ASAP1: variants seen among roughly 807,000 people sequenced by gnomAD.
ASAP1 encodes arf-GAP with SH3 domain, ANK repeat and PH domain-containing protein 1.
Under a neutral mutation model 145.2 loss-of-function variants are expected in ASAP1, and 43 were observed. The ratio of observed to expected loss-of-function variants is 0.30; its 90% CI spans 0.23 to 0.38. The LOEUF (loss-of-function observed/expected upper bound fraction) is 0.38. Among genes scored for constraint, ASAP1 ranks in the 10% least tolerant of loss-of-function variants. The pLI is 1.00. For synonymous variants in ASAP1, 546 were observed against 515.5 expected (o/e 1.06, Z -0.80); for missense variants, 1,018 against 1,355.3 (o/e 0.75, Z 3.91).
At chr8:130,219,481 T>C (rs1352918831) in intron 4 of ASAP1, among the ~76,000 whole-genome samples, 1 of 152,060 alleles carries the variant, frequency 6.6e-6, no homozygotes, top group Admixed American at 6.6e-5. Context: ...GCTGCGGTGG[T>C]GGGACACTGC....
At chr8:130,167,242 T>G (rs1001792806) in intron 11 of ASAP1, among the ~76,000 whole-genome samples, 1 of 151,262 alleles carries the variant, frequency 6.6e-6, no homozygotes, top group African/African-American at 2.4e-5. Flanking sequence ...CGATGAGCCA[T>G]AAGTGTGCCT....
chr8:130,129,986 T>A (rs140344567), intron 15 of ASAP1, among the ~76,000 whole-genome samples: 1 of 152,366 alleles, frequency 6.6e-6, no homozygotes, highest in African/African-American at 2.4e-5. Context: ...CAGGACTGAT[T>A]ACTGCATTTT....
At chr8:130,055,848 C>G (rs1038129116) in intron 29 of ASAP1, among the ~76,000 whole-genome samples, 1 of 152,238 alleles carries the variant, frequency 6.6e-6, no homozygotes, top group Admixed American at 6.5e-5. Flanking sequence ...CTGCCCAGCT[C>G]TCCTGAAGGC....
intron 3 of ASAP1, among the ~76,000 whole-genome samples, chr8:130,338,469 AC>A (rs1377444026): frequency 7.2e-5 from 11 of 152,190 alleles, no homozygotes; most frequent in Non-Finnish European, 5.9e-5. Flanking sequence ...GTAAATAAAG[AC>A]AGGACTCTCC....
intron 3 of ASAP1, among the ~76,000 whole-genome samples, chr8:130,326,455 CA>C (rs1192215344): frequency 2.0e-5 from 3 of 152,304 alleles, no homozygotes; most frequent in African/African-American, 7.2e-5. Flanking sequence ...ATTTCCACCC[CA>C]AATAAAATAC....
intron 1 of ASAP1, among the ~76,000 whole-genome samples, chr8:130,435,375 G>A (rs546707292): frequency 1.3e-5 from 2 of 152,264 alleles, no homozygotes; most frequent in Non-Finnish European, 2.9e-5. Context: ...TGTCTTCCCT[G>A]TGCTAGACTT....
chr8:130,179,870 A>G (rs1565057590), intron 8 of ASAP1, among the ~76,000 whole-genome samples: 1 of 152,114 alleles, frequency 6.6e-6, no homozygotes, highest in Non-Finnish European at 1.5e-5. Flanking sequence ...ACTGGTCAAG[A>G]TTTTCTATTG....
intron 3 of ASAP1, among the ~76,000 whole-genome samples, chr8:130,339,925 C>G (rs1825271008): frequency 6.6e-6 from 1 of 152,196 alleles, no homozygotes; most frequent in African/African-American, 2.4e-5. Context: ...AGTACTTCTT[C>G]TGGACTCTCC....
chr8:130,432,391 T>C (rs1218303410), intron 1 of ASAP1, among the ~76,000 whole-genome samples: 1 of 152,036 alleles, frequency 6.6e-6, no homozygotes, highest in African/African-American at 2.4e-5. Context: ...ACTGTGAAAG[T>C]ATAAAGGTTC....
chr8:130,214,128 A>G lies in ASAP1; in HGVS notation c.405+428T>C, dbSNP rs1371300633. Among the ~76,000 whole-genome samples the G allele has an allele frequency of 6.6e-5, 10 of 152,334 alleles. No individual in the cohort carries two copies. The Middle Eastern group carries it at 0.01, about 155-fold the overall frequency. On this transcript the variant is annotated intron_variant, in intron 5 of 29. Transcript: ENST00000518721. ...CAAAATGCATGATCACCTTCACACA[A>G]GTGAGATATAATACTTTCAATGTGT...
chr8:130,347,135 C>G (rs1298153013), intron 3 of ASAP1, among the ~76,000 whole-genome samples: 2 of 152,236 alleles, frequency 1.3e-5, no homozygotes, highest in East Asian at 1.9e-4. Flanking sequence ...GCCTGGTCTT[C>G]CATCCATCCT....
chr8:130,096,730 G>A (rs1592789801), intron 24 of ASAP1, among the ~76,000 whole-genome samples: 2 of 152,124 alleles, frequency 1.3e-5, no homozygotes, highest in East Asian at 3.9e-4. Flanking sequence ...TTTTCCACGA[G>A]AAAGCATTCC....
At chr8:130,265,956 C>T (rs1419135661) in intron 3 of ASAP1, among the ~76,000 whole-genome samples, 1 of 152,174 alleles carries the variant, frequency 6.6e-6, no homozygotes, top group Non-Finnish European at 1.5e-5. Context: ...TGGCTAACAT[C>T]CATAGTGAGT....
At chr8:130,124,293 G>A (rs1047515959) in intron 17 of ASAP1, among the ~76,000 whole-genome samples, 189 bp from the exon 18 acceptor site, 6 of 152,202 alleles carry the variant, frequency 3.9e-5, no homozygotes, top group African/African-American at 1.4e-4. Flanking sequence ...CAAACTAAGT[G>A]CTGGAAATAC....
At chr8:130,154,404 CTGCA>C (rs1489321008) in intron 12 of ASAP1, among the ~76,000 whole-genome samples, 1 of 152,172 alleles carries the variant, frequency 6.6e-6, no homozygotes, top group Non-Finnish European at 1.5e-5. Flanking sequence ...ACAGACGAGA[CTGCA>C]TGTGTGGTAG....
chr8:130,117,016 T>C (rs1307939971), intron 20 of ASAP1, 21 bp from the exon 21 acceptor site: 3 of 1,542,856 alleles, frequency 1.9e-6, no homozygotes, highest in Middle Eastern at 1.9e-4. Context: ...AGATGATGAT[T>C]AGAAAAAAAT....
At chr8:130,223,239 C>T (rs534986699) in intron 4 of ASAP1, among the ~76,000 whole-genome samples, 2 of 152,258 alleles carry the variant, frequency 1.3e-5, no homozygotes, top group South Asian at 2.1e-4. Flanking sequence ...ACCTAGACAA[C>T]ATTTGGTGAA....
intron 7 of ASAP1, among the ~76,000 whole-genome samples, chr8:130,186,551 G>A (rs1271741437): frequency 1.3e-5 from 2 of 151,964 alleles, no homozygotes; most frequent in African/African-American, 4.8e-5. Flanking sequence ...ACACAGTATC[G>A]AGATGGGCCG....
chr8:130,307,403 T>C (rs536384538), intron 3 of ASAP1, among the ~76,000 whole-genome samples: 4 of 152,330 alleles, frequency 2.6e-5, no homozygotes, highest in South Asian at 4.1e-4. Flanking sequence ...CTATAATATG[T>C]ACAACCTATG....
Sources: allele counts gnomAD v4.1 joint callset (sites outside exome capture counted in the v4.1 genomes callset), GRCh38; gene constraint gnomAD v4.1.1; transcripts MANE v1.5; gene names NCBI Gene and HGNC (gene_info 2026-07-23, HGNC 2026-07-21).